Variants in NEGR1 observed in about 807,000 individuals in gnomAD.
The protein encoded by NEGR1 is neuronal growth regulator 1.
NEGR1 carries 10 observed loss-of-function variants against 40.9 expected under a neutral mutation model. That is an observed-to-expected ratio of 0.24 (90% confidence interval 0.15 to 0.42). The LOEUF is 0.42. Among genes scored for constraint, NEGR1 ranks in the 10% least tolerant of loss-of-function variants. The pLI is 1.00. For synonymous variants in NEGR1, 185 were observed against 166.8 expected (o/e 1.11, Z -0.84); for missense variants, 352 against 438.9 (o/e 0.80, Z 1.77).
At chr1:71,442,628 TAAA>T (rs1646555714) in intron 6 of NEGR1, among the ~76,000 whole-genome samples, 1 of 152,012 alleles carries the variant, frequency 6.6e-6, no homozygotes. Flanking sequence ...AATAAATAAA[TAAA>T]TAAATTAATG....
intron 1 of NEGR1, among the ~76,000 whole-genome samples, chr1:72,111,085 TACACACAC>T (rs72146902): frequency 7.8e-6 from 1 of 128,512 alleles, no homozygotes; most frequent in South Asian, 2.3e-4. Context: ...TATATATATA[TACACACAC>T]ACACACACAC....
At chr1:72,196,788 A>C (rs112829342) in intron 1 of NEGR1, among the ~76,000 whole-genome samples, 1 of 151,788 alleles carries the variant, frequency 6.6e-6, no homozygotes, top group Non-Finnish European at 1.5e-5. Context: ...TCACTACAAG[A>C]GAAAAAATGA....
intron 2 of NEGR1, among the ~76,000 whole-genome samples, chr1:71,842,117 G>A (rs545538): frequency 0.4 from 60,065 of 151,942 alleles, 12,527 homozygotes; most frequent in East Asian, 0.65. Context: ...TAGCTCAGAA[G>A]TCACATGGGA....
At chr1:71,789,348 A>G (rs965076816) in intron 2 of NEGR1, among the ~76,000 whole-genome samples, 2 of 152,146 alleles carry the variant, frequency 1.3e-5, no homozygotes, top group African/African-American at 2.4e-5. Context: ...ATTAGTACAC[A>G]GTAAGTGCTC....
chr1:72,167,536 T>C (rs1364788461), intron 1 of NEGR1, among the ~76,000 whole-genome samples: 1 of 152,112 alleles, frequency 6.6e-6, no homozygotes, highest in Non-Finnish European at 1.5e-5. Context: ...TGAGTACTTG[T>C]ACAAATAAAA....
At chr1:71,728,557 C>G (rs996017280) in intron 3 of NEGR1, among the ~76,000 whole-genome samples, 1 of 152,108 alleles carries the variant, frequency 6.6e-6, no homozygotes, top group Admixed American at 6.6e-5. Flanking sequence ...TTTACTGACA[C>G]TCTTTCAAAA....
chr1:71,917,295 C>G (rs974702869), intron 2 of NEGR1, among the ~76,000 whole-genome samples: 1 of 152,096 alleles, frequency 6.6e-6, no homozygotes, highest in Non-Finnish European at 1.5e-5. Context: ...GAAGTCTGAC[C>G]TCTTCATTTA....
intron 6 of NEGR1, among the ~76,000 whole-genome samples, chr1:71,413,602 C>T (rs1646337559): frequency 6.6e-6 from 1 of 152,094 alleles, no homozygotes; most frequent in African/African-American, 2.4e-5. Context: ...TGACCTCTTC[C>T]TTTTCTTCTC....
At chr1:71,833,452 G>T (rs919828617) in intron 2 of NEGR1, among the ~76,000 whole-genome samples, 145 of 152,154 alleles carry the variant, frequency 9.5e-4, no homozygotes, top group African/African-American at 3.4e-3. Flanking sequence ...TCCATGGTTG[G>T]TCAAGACTAG....
chr1:72,160,676 A>G (rs1414750221), intron 1 of NEGR1, among the ~76,000 whole-genome samples: 1 of 152,124 alleles, frequency 6.6e-6, no homozygotes, highest in Non-Finnish European at 1.5e-5. Context: ...TTATATTTGC[A>G]TCGTTTTTCT....
At position 71,685,816 on chromosome 1, in the gene NEGR1, T is replaced by G. The variant is rs568636692; in HGVS notation, c.667+12192A>C. 1.1e-3 allele frequency among the ~76,000 whole-genome samples: 164 copies of G among 152,302 alleles called. 1 individual carries two copies. The highest frequency in any genetic ancestry group is 3.8e-3 in the African/African-American group (160 of 41,572). ...CATATCCAGATCATTGGTATTCAATTTCTAAATTTATATTATATAAACGTG... is the reference window on the plus strand; with the variant it reads ...CATATCCAGATCATTGGTATTCAATGTCTAAATTTATATTATATAAACGTG... On this transcript the variant is annotated intron_variant, in intron 4 of 6. Coordinates refer to ENST00000357731, the MANE Select transcript of NEGR1 (RefSeq NM_173808.3).
chr1:71,671,776 G>A (rs905675141), intron 4 of NEGR1, among the ~76,000 whole-genome samples: 3 of 151,946 alleles, frequency 2.0e-5, no homozygotes, highest in South Asian at 2.1e-4. Context: ...ATGGGTCCCC[G>A]TTAGTACCCA....
chr1:72,178,716 T>C (rs1652261063), intron 1 of NEGR1, among the ~76,000 whole-genome samples: 1 of 151,380 alleles, frequency 6.6e-6, no homozygotes, highest in South Asian at 2.1e-4. Context: ...TGTTTTGTTT[T>C]GTTTTTTTTA....
chr1:71,858,187 C>T (rs1273349795), intron 2 of NEGR1, among the ~76,000 whole-genome samples: 1 of 152,058 alleles, frequency 6.6e-6, no homozygotes, highest in Non-Finnish European at 1.5e-5. Flanking sequence ...GCCTAGAGAG[C>T]TACTATTGAG....
chr1:72,205,223 G>A (rs909228394), intron 1 of NEGR1, among the ~76,000 whole-genome samples: 14 of 151,954 alleles, frequency 9.2e-5, no homozygotes, highest in African/African-American at 3.4e-4. Flanking sequence ...AGGTTCTTCT[G>A]ACTTCCTGTT....
At position 72,274,846 on chromosome 1, in the gene NEGR1, C is replaced by G. The variant is rs933808974; in HGVS notation, c.176+7473G>C. 13 of 1,568,642 alleles carry G rather than the reference C, an allele frequency of 8.3e-6. No individual in the cohort carries two copies. In the Admixed American group the frequency reaches 2.0e-4, roughly 24 times the overall value. On this transcript the variant is annotated intron_variant, in intron 1 of 6. Coordinates refer to ENST00000357731, the MANE Select transcript of NEGR1 (RefSeq NM_173808.3). ...CAGAGTTATTTGCATCCTCAGCCAC[C>G]CCATCAAGAACACCAATGATGCCAA...
At chr1:71,578,998 C>T (rs1278459778) in intron 6 of NEGR1, among the ~76,000 whole-genome samples, 1 of 152,134 alleles carries the variant, frequency 6.6e-6, no homozygotes, top group African/African-American at 2.4e-5. Flanking sequence ...GGGATAATTT[C>T]ACATGCATTA....
chr1:71,523,800 G>A (rs899070874), intron 6 of NEGR1, among the ~76,000 whole-genome samples: 1 of 151,826 alleles, frequency 6.6e-6, no homozygotes, highest in Non-Finnish European at 1.5e-5. Context: ...TTGCAAGCAT[G>A]CATCAGTTTA....
At chr1:72,122,102 A>G (rs896710478) in intron 1 of NEGR1, among the ~76,000 whole-genome samples, 1 of 152,080 alleles carries the variant, frequency 6.6e-6, no homozygotes, top group Non-Finnish European at 1.5e-5. Flanking sequence ...CTGCAAGAAC[A>G]TATTTTCTAT....
Sources: allele counts gnomAD v4.1 joint callset (sites outside exome capture counted in the v4.1 genomes callset), GRCh38; gene constraint gnomAD v4.1.1; transcripts MANE v1.5; gene names NCBI Gene and HGNC (gene_info 2026-07-23, HGNC 2026-07-21).